BCKDHB: variants seen among roughly 807,000 people sequenced by gnomAD.
BCKDHB encodes the protein 2-oxoisovalerate dehydrogenase subunit beta, mitochondrial.
Under a neutral mutation model 48.5 loss-of-function variants are expected in BCKDHB, and 41 were observed. The observed-to-expected ratio is 0.85, with a 90% CI of 0.66 to 1.10. BCKDHB has a LOEUF of 1.10. BCKDHB is among the 50% of genes least tolerant of loss of function. The probability of loss-of-function intolerance (pLI) is 0.00; values close to 1 mark genes in which losing one functional copy is unlikely to be tolerated. For synonymous variants in BCKDHB, 201 were observed against 174.8 expected (o/e 1.15, Z -1.18); for missense variants, 496 against 494.2 (o/e 1.00, Z -0.03).
chr6:80,158,616 A>G (rs1186062722), intron 3 of BCKDHB, among the ~76,000 whole-genome samples: 1 of 152,130 alleles, frequency 6.6e-6, no homozygotes, highest in East Asian at 1.9e-4. Context: ...ACCCTGTGGG[A>G]TCTGTGCAAT....
At chr6:80,363,227 G>C in the BCKDHB span, among the ~76,000 whole-genome samples, 2 of 152,140 alleles carry the variant, frequency 1.3e-5, no homozygotes, top group African/African-American at 4.8e-5. Context: ...GAAAGCAAAA[G>C]TAATTTCCAA....
intron 8 of BCKDHB, among the ~76,000 whole-genome samples, chr6:80,244,989 G>A (rs566585398): frequency 6.6e-6 from 1 of 152,236 alleles, no homozygotes; most frequent in East Asian, 1.9e-4. Flanking sequence ...TCTGGAGCCA[G>A]GTGGCCTGAG....
chr6:80,230,276 G>C (rs1174895922), intron 8 of BCKDHB, among the ~76,000 whole-genome samples: 1 of 151,472 alleles, frequency 6.6e-6, no homozygotes, highest in South Asian at 2.1e-4. Context: ...CTGACCTCGT[G>C]ATCCGCCCGC....
At chr6:80,438,720 A>C in the BCKDHB span, among the ~76,000 whole-genome samples, 1 of 152,222 alleles carries the variant, frequency 6.6e-6, no homozygotes. Context: ...CTGAAAATTT[A>C]AAAGCACACA....
chr6:80,465,079 C>T, the BCKDHB span, among the ~76,000 whole-genome samples: 1 of 152,202 alleles, frequency 6.6e-6, no homozygotes, highest in Non-Finnish European at 1.5e-5. Context: ...AACTACCTTG[C>T]ATTCCAGTTT....
downstream of BCKDHB, among the ~76,000 whole-genome samples, chr6:80,346,424 T>C (rs1770202207): frequency 6.6e-6 from 1 of 152,230 alleles, no homozygotes; most frequent in African/African-American, 2.4e-5. Context: ...TTCAGTTCTT[T>C]ATGACCAGGA....
At chr6:80,118,740 A>G (rs148787166) in intron 1 of BCKDHB, among the ~76,000 whole-genome samples, 43 of 151,862 alleles carry the variant, frequency 2.8e-4, no homozygotes, top group African/African-American at 8.4e-4. Flanking sequence ...TGTTCATGGC[A>G]TCTTCATTAG....
At chr6:80,422,539 C>G in the BCKDHB span, among the ~76,000 whole-genome samples, 1 of 152,166 alleles carries the variant, frequency 6.6e-6, no homozygotes, top group African/African-American at 2.4e-5. Flanking sequence ...CTGGAAAAAA[C>G]ACAGACACTC....
At chr6:80,298,477 C>T (rs563682808) in intron 9 of BCKDHB, among the ~76,000 whole-genome samples, 14 of 152,230 alleles carry the variant, frequency 9.2e-5, no homozygotes, top group African/African-American at 3.4e-4. Flanking sequence ...TTGGGCTTTA[C>T]CAAATGTAAC....
chr6:80,158,312 C>G (rs937412351), intron 3 of BCKDHB, among the ~76,000 whole-genome samples: 1 of 152,146 alleles, frequency 6.6e-6, no homozygotes, highest in South Asian at 2.1e-4. Context: ...TTTAATTTGT[C>G]TCTTAGCCAT....
At chr6:80,107,312 A>G (rs1390582032) in intron 1 of BCKDHB, among the ~76,000 whole-genome samples, 1 of 146,296 alleles carries the variant, frequency 6.8e-6, no homozygotes, top group Non-Finnish European at 1.5e-5. Flanking sequence ...GTTTATATAT[A>G]TATATTTTAA....
At chr6:80,342,105 G>A (rs561541137) in intron 9 of BCKDHB, among the ~76,000 whole-genome samples, 44 of 152,220 alleles carry the variant, frequency 2.9e-4, no homozygotes, top group Admixed American at 1.8e-3. Flanking sequence ...GGTTCTCTTT[G>A]GAGCTAATTT....
chr6:80,317,871 T>C (rs964421585), intron 9 of BCKDHB, among the ~76,000 whole-genome samples: 1 of 152,222 alleles, frequency 6.6e-6, no homozygotes, highest in Admixed American at 6.5e-5. Context: ...AGGCCAGGGC[T>C]TCTCAGCTGA....
chr6:80,281,036 G>GTGTGTGTGTGTGTGTT (rs1778172747), intron 9 of BCKDHB, among the ~76,000 whole-genome samples: 1 of 148,954 alleles, frequency 6.7e-6, no homozygotes, highest in Non-Finnish European at 1.5e-5. Flanking sequence ...GCGTGTGTGT[G>GTGTGTGTGTGTGTGTT]TGTGTGTGTG....
chr6:80,249,042 C>T (rs556106356), intron 8 of BCKDHB, among the ~76,000 whole-genome samples: 307 of 151,686 alleles, frequency 2.0e-3, no homozygotes, highest in Non-Finnish European at 2.9e-3. Context: ...TGATTGACAA[C>T]CATAGGCTGG....
intron 8 of BCKDHB, among the ~76,000 whole-genome samples, chr6:80,203,526 T>G (rs888028196): frequency 7.2e-5 from 11 of 152,094 alleles, no homozygotes; most frequent in African/African-American, 2.4e-4. Flanking sequence ...GGCACCTGTG[T>G]TTTTGACTTC....
At chr6:80,400,079 C>A in the BCKDHB span, among the ~76,000 whole-genome samples, 1 of 151,882 alleles carries the variant, frequency 6.6e-6, no homozygotes, top group South Asian at 2.1e-4. Context: ...TAAAAATAAA[C>A]TCAAGATAGA....
chr6:80,327,885 C>T (rs1438402865), intron 9 of BCKDHB, among the ~76,000 whole-genome samples: 7 of 150,836 alleles, frequency 4.6e-5, no homozygotes, highest in Non-Finnish European at 8.9e-5. Flanking sequence ...TTTTCCCTCC[C>T]CTTTTCCCCT....
chr6:80,352,828 C>T, the BCKDHB span, among the ~76,000 whole-genome samples: 1 of 152,184 alleles, frequency 6.6e-6, no homozygotes. Context: ...TGAATGCTGG[C>T]AGCCTTCCCT....
Sources: gnomAD v4.1 joint callset for allele counts (sites outside exome capture counted in the v4.1 genomes callset) on GRCh38, gnomAD v4.1.1 for gene constraint, MANE v1.5 for transcripts, NCBI Gene and HGNC (gene_info 2026-07-23, HGNC 2026-07-21) for gene names.